Variants in FARS2 observed in about 807,000 individuals in gnomAD.
The protein encoded by FARS2 is phenylalanine--tRNA ligase, mitochondrial.
In FARS2, 40 loss-of-function variants were observed where a neutral mutation model predicts 46.4. The observed-to-expected ratio is 0.86, with a 90% CI of 0.67 to 1.12. The LOEUF is 1.12. Ranked by LOEUF, FARS2 falls within the 50% of genes most tolerant of loss-of-function variation. FARS2 has a pLI of 0.00. For synonymous variants in FARS2, 234 were observed against 214.9 expected (o/e 1.09, Z -0.78); for missense variants, 513 against 567.9 (o/e 0.90, Z 0.98).
At chr6:5,737,438 G>C (rs547633171) in intron 6 of FARS2, among the ~76,000 whole-genome samples, 1 of 152,222 alleles carries the variant, frequency 6.6e-6, no homozygotes, top group Non-Finnish European at 1.5e-5. Flanking sequence ...GGCTAAGGCA[G>C]AAGAATTGCT....
chr6:5,657,415 T>C (rs1426401597), intron 6 of FARS2, among the ~76,000 whole-genome samples: 1 of 152,158 alleles, frequency 6.6e-6, no homozygotes, highest in Non-Finnish European at 1.5e-5. Context: ...AAGCTTAGAA[T>C]AGGAAATGAC....
At chr6:5,296,358 G>A (rs994381349) in intron 1 of FARS2, among the ~76,000 whole-genome samples, 9 of 151,940 alleles carry the variant, frequency 5.9e-5, no homozygotes, top group South Asian at 2.1e-4. Flanking sequence ...AGCCAGGATG[G>A]TCTCGATCTC....
chr6:5,479,069 A>G (rs116198772), intron 4 of FARS2, among the ~76,000 whole-genome samples: 1,623 of 152,344 alleles, frequency 0.011, 30 homozygotes, highest in African/African-American at 0.037. Flanking sequence ...TGGGAATTCC[A>G]TCGGGGTGAA....
At chr6:5,417,855 G>A (rs1317761712) in intron 3 of FARS2, among the ~76,000 whole-genome samples, 1 of 152,128 alleles carries the variant, frequency 6.6e-6, no homozygotes, top group African/African-American at 2.4e-5. Context: ...CCACTTGCAT[G>A]TGTATGTGGC....
chr6:5,320,485 C>T (rs2127563172), intron 1 of FARS2, among the ~76,000 whole-genome samples: 1 of 152,332 alleles, frequency 6.6e-6, no homozygotes, highest in Middle Eastern at 3.4e-3. Context: ...TGAAAAGCAC[C>T]TGCTTCTTTC....
chr6:5,769,736 C>T (rs1762935494), intron 6 of FARS2, among the ~76,000 whole-genome samples: 1 of 152,156 alleles, frequency 6.6e-6, no homozygotes, highest in Non-Finnish European at 1.5e-5. Flanking sequence ...CCCAGGAGGT[C>T]CCTACAGAAA....
chr6:5,404,770 G>GTT, intron 3 of FARS2, 69 bp downstream of exon 3: 2 of 1,003,040 alleles, frequency 2.0e-6, no homozygotes, highest in Non-Finnish European at 2.7e-6. Flanking sequence ...TTTGGATTTG[G>GTT]GTTTTTTTTT....
intron 4 of FARS2, among the ~76,000 whole-genome samples, chr6:5,494,126 C>CTTTTTTTTTTT (rs56775720): frequency 7.6e-6 from 1 of 131,240 alleles, no homozygotes; most frequent in Non-Finnish European, 1.7e-5. Flanking sequence ...TTTTTTTTTT[C>CTTTTTTTTTTT]TTTTTTTTTT....
intron 4 of FARS2, among the ~76,000 whole-genome samples, chr6:5,517,834 T>TA (rs1267511716): frequency 6.6e-6 from 1 of 152,162 alleles, no homozygotes; most frequent in Non-Finnish European, 1.5e-5. Flanking sequence ...CTAGAACATT[T>TA]AAAAAATTTC....
chr6:5,601,763 T>G (rs1265777083), intron 5 of FARS2, among the ~76,000 whole-genome samples: 1 of 152,068 alleles, frequency 6.6e-6, no homozygotes, highest in Non-Finnish European at 1.5e-5. Flanking sequence ...ATAATACACA[T>G]GAAGTGGCTG....
intron 4 of FARS2, among the ~76,000 whole-genome samples, chr6:5,503,389 CACACACACACACACACAGAG>C (rs1349528882): frequency 3.6e-4 from 24 of 65,882 alleles, no homozygotes; most frequent in African/African-American, 2.0e-3. Context: ...CACACACACA[CACACACACACACACACAGAG>C]AGAGAGAGAG....
intron 5 of FARS2, chr6:5,610,009 G>C (rs1002052286): frequency 4.9e-6 from 5 of 1,021,108 alleles, no homozygotes; most frequent in Non-Finnish European, 6.1e-6. Flanking sequence ...CTCCTCCGCA[G>C]TGGCATAGTG....
At chr6:5,276,343 A>T (rs957256932) in intron 1 of FARS2, among the ~76,000 whole-genome samples, 2 of 152,158 alleles carry the variant, frequency 1.3e-5, no homozygotes, top group Admixed American at 6.5e-5. Context: ...GTTTTTTCAC[A>T]TCATTTTAGG....
At chr6:5,527,329 G>T (rs1769532065) in intron 4 of FARS2, among the ~76,000 whole-genome samples, 1 of 152,192 alleles carries the variant, frequency 6.6e-6, no homozygotes, top group South Asian at 2.1e-4. Context: ...CATAATTTTG[G>T]CTCAGAGGAT....
chr6:5,738,070 C>A (rs1018233396), intron 6 of FARS2, among the ~76,000 whole-genome samples: 5 of 152,196 alleles, frequency 3.3e-5, no homozygotes, highest in African/African-American at 9.7e-5. Context: ...CCCACTTCAG[C>A]CTTCTGAGTA....
intron 6 of FARS2, among the ~76,000 whole-genome samples, chr6:5,675,173 A>G (rs113707689): frequency 3.0e-4 from 46 of 151,634 alleles, no homozygotes; most frequent in African/African-American, 9.9e-4. Context: ...TCTTGAGTCA[A>G]TAAAAATGCG....
intron 5 of FARS2, among the ~76,000 whole-genome samples, chr6:5,555,275 C>G (rs1253625241): frequency 6.6e-6 from 1 of 152,102 alleles, no homozygotes; most frequent in Non-Finnish European, 1.5e-5. Context: ...AACTACAACT[C>G]TTTTTCTTCC....
chr6:5,269,498 A>G (rs1473911373), intron 1 of FARS2, among the ~76,000 whole-genome samples: 2 of 151,352 alleles, frequency 1.3e-5, no homozygotes, highest in Non-Finnish European at 3.0e-5. Flanking sequence ...AAAAAAAGAG[A>G]AAAGAAGAGT....
At chr6:5,410,147 G>T (rs76279192) in intron 3 of FARS2, among the ~76,000 whole-genome samples, 3,039 of 124,658 alleles carry the variant, frequency 0.024, 99 homozygotes, top group African/African-American at 0.096. Context: ...GTTCGTTTTT[G>T]TGTTTTTTTG....
Sources: allele counts gnomAD v4.1 joint callset (sites outside exome capture counted in the v4.1 genomes callset), GRCh38; gene constraint gnomAD v4.1.1; transcripts MANE v1.5; gene names NCBI Gene and HGNC (gene_info 2026-07-23, HGNC 2026-07-21).